The following NCAM2 variants were observed in gnomAD, a reference collection of about 807,000 sequenced individuals.
NCAM2 encodes the protein N-CAM-2.
NCAM2 carries 30 observed loss-of-function variants against 98.1 expected under a neutral mutation model. That is an observed-to-expected ratio of 0.31 (90% confidence interval 0.23 to 0.41). The LOEUF is 0.41. Ranked by LOEUF, NCAM2 falls within the 10% of genes least tolerant of loss-of-function variation. NCAM2 has a pLI of 1.00. For synonymous variants in NCAM2, 368 were observed against 342.4 expected (o/e 1.07, Z -0.83); for missense variants, 867 against 1,005.8 (o/e 0.86, Z 1.87).
At chr21:21,475,077 A>C (rs1467623802) in intron 14 of NCAM2, among the ~76,000 whole-genome samples, 1 of 151,688 alleles carries the variant, frequency 6.6e-6, no homozygotes, top group African/African-American at 2.4e-5. Context: ...AAAAATTTAT[A>C]TGAAACAGCT....
intron 15 of NCAM2, among the ~76,000 whole-genome samples, chr21:21,500,462 C>T (rs1323749360): frequency 2.6e-5 from 4 of 152,080 alleles, no homozygotes; most frequent in Non-Finnish European, 4.4e-5. Context: ...TTACATTGTG[C>T]TCGGATTGCT....
chr21:21,147,498 A>G (rs934031902), intron 1 of NCAM2, among the ~76,000 whole-genome samples: 2 of 151,484 alleles, frequency 1.3e-5, no homozygotes, highest in Non-Finnish European at 2.9e-5. Flanking sequence ...TAGCCTCAAT[A>G]TACATACACT....
chr21:21,467,097 A>C (rs564603610), intron 13 of NCAM2, among the ~76,000 whole-genome samples: 1 of 152,004 alleles, frequency 6.6e-6, no homozygotes, highest in South Asian at 2.1e-4. Context: ...TGGAGGCCTG[A>C]CTATTGACCT....
At position 21,438,638 on chromosome 21, in the gene NCAM2, G is replaced by T. The variant is rs232408; in HGVS notation, c.1654+6357G>T. On this transcript the variant is annotated intron_variant, in intron 12 of 17. Transcript: ENST00000400546. ...AGCTGTAGCAAGACTTTTTGGTTGGGGAAGCTACAGGATGTATTCATTGCC... is the reference window on the plus strand; with the variant it reads ...AGCTGTAGCAAGACTTTTTGGTTGGTGAAGCTACAGGATGTATTCATTGCC... Among the ~76,000 whole-genome samples, 1,113 of 152,124 alleles carry T rather than the reference G, an allele frequency of 7.3e-3. 15 individuals carry two copies. The highest frequency in any genetic ancestry group is 0.025 in the African/African-American group (1,025 of 41,490).
intron 1 of NCAM2, among the ~76,000 whole-genome samples, chr21:21,233,298 C>T (rs776842524): frequency 2.0e-5 from 3 of 151,628 alleles, no homozygotes; most frequent in Non-Finnish European, 3.0e-5. Context: ...GATGTTCAAC[C>T]ATTCTTCTGT....
At chr21:21,199,796 G>C (rs553836913) in intron 1 of NCAM2, among the ~76,000 whole-genome samples, 2 of 151,934 alleles carry the variant, frequency 1.3e-5, no homozygotes, top group African/African-American at 4.8e-5. Flanking sequence ...TTCTATAATC[G>C]TATGGCATTC....
chr21:21,074,956 A>G (rs2065649045), intron 1 of NCAM2, among the ~76,000 whole-genome samples: 1 of 152,180 alleles, frequency 6.6e-6, no homozygotes, highest in Admixed American at 6.5e-5. Flanking sequence ...ATCAGTGATA[A>G]AGAGGATAAA....
chr21:21,044,334 C>G (rs2064967208), intron 1 of NCAM2, among the ~76,000 whole-genome samples: 3 of 152,068 alleles, frequency 2.0e-5, no homozygotes, highest in Admixed American at 2.0e-4. Context: ...CAGATTTGTG[C>G]TCAAGAGTTA....
intron 16 of NCAM2, among the ~76,000 whole-genome samples, chr21:21,532,958 C>T (rs1341393846): frequency 6.6e-6 from 1 of 152,024 alleles, no homozygotes; most frequent in Admixed American, 6.6e-5. Flanking sequence ...TTATTCACTT[C>T]TAGATTTCTT....
chr21:21,185,688 A>T (rs1052805137), intron 1 of NCAM2, among the ~76,000 whole-genome samples: 1 of 152,158 alleles, frequency 6.6e-6, no homozygotes, highest in African/African-American at 2.4e-5. Flanking sequence ...TCATAGCAGC[A>T]CTATTAAAAA....
chr21:21,024,196 G>A (rs890791971), intron 1 of NCAM2, among the ~76,000 whole-genome samples: 1 of 152,174 alleles, frequency 6.6e-6, no homozygotes, highest in East Asian at 1.9e-4. Flanking sequence ...TTGAAACAAC[G>A]CAGTCAAAAT....
At chr21:21,406,816 T>C (rs916299551) in intron 9 of NCAM2, among the ~76,000 whole-genome samples, 16 of 152,184 alleles carry the variant, frequency 1.1e-4, no homozygotes, top group Admixed American at 9.2e-4. Context: ...TCATATTTCA[T>C]GTAGTCAGGA....
intron 1 of NCAM2, among the ~76,000 whole-genome samples, chr21:21,089,507 T>C (rs1569011180): frequency 6.6e-6 from 1 of 152,200 alleles, no homozygotes; most frequent in Non-Finnish European, 1.5e-5. Context: ...CTACAAATAT[T>C]GATGTGGCAA....
Position 21,080,980 on chromosome 21 carries a change from G to T in NCAM2, c.55+82362G>T, listed in dbSNP as rs552999713. ...ACACTTAGAAGAGGGCCAAGCAGGC[G>T]ACTTGAGAGATCAAGTGCACGGTTT... On this transcript the variant is annotated intron_variant, in intron 1 of 17. Transcript: ENST00000400546. Among the ~76,000 whole-genome samples the T allele has an allele frequency of 1.4e-3, 211 of 152,222 alleles. 2 individuals are homozygous for T. The highest frequency in any genetic ancestry group is 4.8e-3 in the African/African-American group (198 of 41,548).
intron 5 of NCAM2, among the ~76,000 whole-genome samples, chr21:21,295,624 C>A (rs577234850): frequency 6.6e-6 from 1 of 151,762 alleles, no homozygotes; most frequent in African/African-American, 2.4e-5. Context: ...TTTCCTTCCG[C>A]CATGAAAAGA....
At chr21:21,347,547 G>A (rs2075223112) in intron 8 of NCAM2, among the ~76,000 whole-genome samples, 2 of 152,036 alleles carry the variant, frequency 1.3e-5, no homozygotes, top group South Asian at 4.1e-4. Flanking sequence ...GAACCTGATG[G>A]CTTCACTGCT....
At chr21:21,227,584 C>T (rs951611751) in intron 1 of NCAM2, among the ~76,000 whole-genome samples, 5 of 151,464 alleles carry the variant, frequency 3.3e-5, no homozygotes, top group African/African-American at 1.2e-4. Flanking sequence ...CATGAGCTTC[C>T]GAATAGAAAA....
At chr21:21,207,468 T>G (rs1185383238) in intron 1 of NCAM2, among the ~76,000 whole-genome samples, 1 of 152,124 alleles carries the variant, frequency 6.6e-6, no homozygotes, top group African/African-American at 2.4e-5. Context: ...CAAGCAAGGA[T>G]TCAAGACTGT....
At chr21:21,311,498 G>A (rs767117318) in intron 5 of NCAM2, among the ~76,000 whole-genome samples, 10 of 151,838 alleles carry the variant, frequency 6.6e-5, no homozygotes, top group Non-Finnish European at 1.5e-4. Flanking sequence ...CCGCCACCAC[G>A]CCCAGCTAAT....
Sources: gnomAD v4.1 joint callset for allele counts (sites outside exome capture counted in the v4.1 genomes callset) on GRCh38, gnomAD v4.1.1 for gene constraint, MANE v1.5 for transcripts, NCBI Gene and HGNC (gene_info 2026-07-23, HGNC 2026-07-21) for gene names.